The following COL25A1 variants were observed in gnomAD, a reference collection of about 807,000 sequenced individuals.
COL25A1 encodes the protein collagen alpha-1(XXV) chain.
COL25A1 carries 103 observed loss-of-function variants against 128.4 expected under a neutral mutation model. That is an observed-to-expected ratio of 0.80 (90% CI 0.68 to 0.94). COL25A1 has a LOEUF of 0.94. COL25A1 is among the 40% of genes least tolerant of loss of function. The pLI is 0.00. For synonymous variants in COL25A1, 279 were observed against 277.2 expected (o/e 1.01, Z -0.06); for missense variants, 745 against 840.0 (o/e 0.89, Z 1.40).
At chr4:109,122,522 A>G (rs1768196448) in intron 3 of COL25A1, among the ~76,000 whole-genome samples, 1 of 152,090 alleles carries the variant, frequency 6.6e-6, no homozygotes, top group Admixed American at 6.6e-5. Context: ...AAAAGTAGAT[A>G]GAATGTGAGT....
chr4:108,844,431 G>C, intron 30 of COL25A1, 88 bp downstream of exon 30: 1 of 1,609,004 alleles, frequency 6.2e-7, no homozygotes, highest in Admixed American at 1.7e-5. Flanking sequence ...CAAAATACAA[G>C]CTGGCTGTTT....
chr4:109,030,320 G>A (rs1184604865), intron 5 of COL25A1, among the ~76,000 whole-genome samples: 2 of 152,164 alleles, frequency 1.3e-5, no homozygotes, highest in African/African-American at 4.8e-5. Flanking sequence ...AGAGGCAGCT[G>A]CCCCATCATT....
chr4:109,172,887 T>C (rs1209111131), intron 3 of COL25A1, among the ~76,000 whole-genome samples: 2 of 152,198 alleles, frequency 1.3e-5, no homozygotes, highest in Non-Finnish European at 2.9e-5. Context: ...GTAACATGAC[T>C]GGCTGGTCAA....
At chr4:108,871,348 C>G (rs1441357764) in intron 19 of COL25A1, among the ~76,000 whole-genome samples, 1 of 152,172 alleles carries the variant, frequency 6.6e-6, no homozygotes, top group Non-Finnish European at 1.5e-5. Context: ...GAGACGGAGT[C>G]TCAGTCGCCC....
intron 8 of COL25A1, among the ~76,000 whole-genome samples, chr4:108,967,462 T>C (rs987407610): frequency 1.3e-5 from 2 of 152,208 alleles, no homozygotes; most frequent in African/African-American, 4.8e-5. Flanking sequence ...TTACCCCATA[T>C]TCCTCATATG....
intron 3 of COL25A1, among the ~76,000 whole-genome samples, chr4:109,141,336 A>G (rs1770383097): frequency 6.6e-6 from 1 of 152,188 alleles, no homozygotes; most frequent in African/African-American, 2.4e-5. Context: ...TCAGTTTGCC[A>G]GTATTTTATT....
intron 6 of COL25A1, among the ~76,000 whole-genome samples, chr4:108,984,642 C>T (rs1013134817): frequency 2.0e-5 from 3 of 152,344 alleles, no homozygotes; most frequent in East Asian, 3.9e-4. Context: ...CCGGCCGCTC[C>T]GAAGTGCGGG....
At chr4:108,909,029 C>T (rs111566678) in intron 13 of COL25A1, among the ~76,000 whole-genome samples, 56 of 152,260 alleles carry the variant, frequency 3.7e-4, no homozygotes, top group African/African-American at 1.3e-3. Context: ...TTATGACCTC[C>T]GGAATAACGG....
chr4:109,119,243 A>G (rs756160527), intron 3 of COL25A1, among the ~76,000 whole-genome samples: 38 of 152,170 alleles, frequency 2.5e-4, no homozygotes, highest in Admixed American at 4.6e-4. Flanking sequence ...CATTGGATGC[A>G]CGTATTAGAA....
At position 108,916,784 on chromosome 4, in the gene COL25A1, A is replaced by T. The variant is rs55991109; in HGVS notation, c.780+1388T>A. On this transcript the variant is annotated intron_variant, in intron 13 of 37. Transcript: ENST00000399132. ...TGTCTTTGCCAGGATTTGTGAAGCA[A>T]ATGGATATGCATTTTACTAAGTGGA... 7.9e-3 allele frequency among the ~76,000 whole-genome samples: 1,196 copies of T among 152,304 alleles called. 11 individuals carry two copies. The highest frequency in any genetic ancestry group is 0.014 in the Non-Finnish European group (940 of 68,026).
intron 5 of COL25A1, among the ~76,000 whole-genome samples, chr4:109,037,651 A>G (rs1439446830): frequency 6.6e-6 from 1 of 152,240 alleles, no homozygotes; most frequent in Non-Finnish European, 1.5e-5. Flanking sequence ...TATTTGCTAC[A>G]GAAAAATAAA....
intron 8 of COL25A1, among the ~76,000 whole-genome samples, chr4:108,944,789 A>G (rs1241408101): frequency 6.6e-6 from 1 of 152,172 alleles, no homozygotes; most frequent in African/African-American, 2.4e-5. Context: ...TTCTCACCTC[A>G]GAAAGACCTT....
In COL25A1 at chr4:108,852,935, A is replaced by G. The variant is rs1735965735; in HGVS notation, c.1321-10T>C. The G allele has an allele frequency of 6.2e-7, 1 of 1,608,572 alleles. No individual in the cohort carries two copies. The highest frequency in any genetic ancestry group is 2.2e-5 in the East Asian group (1 of 44,772). ...TTAAGGTGGTAATCCTCTGTTGGGA[A>G]AATGTGTTGACAAAGACAGAGTTAT... On this transcript the variant is annotated splice_polypyrimidine_tract_variant and intron_variant, in intron 24 of 37. Coordinates refer to ENST00000399132, the MANE Select transcript of COL25A1 (RefSeq NM_198721.4).
At chr4:109,049,816 G>A (rs1247433891) in intron 4 of COL25A1, among the ~76,000 whole-genome samples, 8 of 152,124 alleles carry the variant, frequency 5.3e-5, no homozygotes, top group Non-Finnish European at 1.2e-4. Flanking sequence ...CTATCACACC[G>A]TGTGCAGCTG....
intron 3 of COL25A1, among the ~76,000 whole-genome samples, chr4:109,204,680 A>G (rs1426989429): frequency 2.0e-5 from 3 of 152,222 alleles, no homozygotes; most frequent in Non-Finnish European, 4.4e-5. Flanking sequence ...TTTCAACAAC[A>G]GAAAGCAGGA....
At chr4:109,132,408 T>C (rs1036354650) in intron 3 of COL25A1, among the ~76,000 whole-genome samples, 6 of 152,188 alleles carry the variant, frequency 3.9e-5, no homozygotes, top group African/African-American at 1.4e-4. Flanking sequence ...TCAGCTATTA[T>C]TGAGAGATAT....
At chr4:108,843,381 C>A (rs1026865659) in intron 30 of COL25A1, among the ~76,000 whole-genome samples, 1 of 151,958 alleles carries the variant, frequency 6.6e-6, no homozygotes, top group Admixed American at 6.6e-5. Context: ...TACTGAAGTC[C>A]TTTGATTTAT....
chr4:108,962,145 C>T (rs1042925556), intron 8 of COL25A1, among the ~76,000 whole-genome samples: 6 of 151,988 alleles, frequency 3.9e-5, no homozygotes, highest in Non-Finnish European at 5.9e-5. Context: ...CAATTTCTCT[C>T]TCTCTTTTTG....
At chr4:108,883,950 G>A (rs764201708) in intron 19 of COL25A1, among the ~76,000 whole-genome samples, 1 of 152,094 alleles carries the variant, frequency 6.6e-6, no homozygotes, top group Non-Finnish European at 1.5e-5. Context: ...TTATTTAAGG[G>A]GCAGTAGTAA....
Sources: gnomAD v4.1 joint callset for allele counts (sites outside exome capture counted in the v4.1 genomes callset) on GRCh38, gnomAD v4.1.1 for gene constraint, MANE v1.5 for transcripts, NCBI Gene and HGNC (gene_info 2026-07-23, HGNC 2026-07-21) for gene names.